Variants in DHCR24 observed in about 807,000 individuals in gnomAD.
DHCR24 encodes 24-dehydrocholesterol reductase.
DHCR24 carries 28 observed loss-of-function variants against 61.2 expected under a neutral mutation model. That is an observed-to-expected ratio of 0.46 (90% CI 0.34 to 0.63). The LOEUF is 0.63. DHCR24 is among the 20% of genes least tolerant of loss of function. DHCR24 has a pLI of 0.01. For missense variants in DHCR24, 538 were observed against 679.1 expected (o/e 0.79, Z 2.31); for synonymous variants, 261 against 275.9 (o/e 0.95, Z 0.54).
chr1:54,879,352 A>AAAAAAAAAAAAAAG, intron 2 of DHCR24, among the ~76,000 whole-genome samples: 1 of 128,158 alleles, frequency 7.8e-6, no homozygotes, highest in Admixed American at 8.4e-5. Flanking sequence ...AAAAAAAAAA[A>AAAAAAAAAAAAAAG]TCCAAATCAA....
rs188591494 is a variant in DHCR24, at chr1:54,865,877, A to G, written c.877-431T>C. Among the ~76,000 whole-genome samples the G allele has an allele frequency of 3.3e-5, 5 of 151,414 alleles. No individual in the cohort carries two copies. In the South Asian group the frequency reaches 8.5e-4, roughly 26 times the overall value. On this transcript the variant is annotated intron_variant, in intron 5 of 8. Coordinates refer to ENST00000371269, the MANE Select transcript of DHCR24 (RefSeq NM_014762.4). ...AGCCCCTCAGTGCAACCCAGGGCTC[A>G]TGGCACCAACTGGTCATGGCACTTT...
chr1:54,886,615 T>C (rs942034168), intron 1 of DHCR24: 8 of 1,464,770 alleles, frequency 5.5e-6, no homozygotes, highest in Admixed American at 2.1e-5. Context: ...GGGTGAGAGT[T>C]ACCTGAGTGC....
At position 54,854,072 on chromosome 1, in the gene DHCR24, G is replaced by C; in HGVS notation, c.1183C>G (p.Gln395Glu). 6.2e-7 allele frequency: 1 copy of C among 1,613,828 alleles called. No homozygotes were observed. The highest frequency in any genetic ancestry group is 1.7e-4 in the Middle Eastern group (1 of 6,000). The change falls in exon 7 of 9, where the codon CAG becomes GAG. Residue 395 changes from glutamine (Q) to glutamate (E), a missense_variant. By Grantham distance (29) the Gln-to-Glu change is conservative. Transcript: ENST00000371269. ...TTTTGGAAGGTGTGCAGGGCCTGCTGCAGGCACTTCATGGGCACCAGCATG... is the reference window on the plus strand; with the variant it reads ...TTTTGGAAGGTGTGCAGGGCCTGCTCCAGGCACTTCATGGGCACCAGCATG... ...QDMLVPMKCL[Q>E]QALHTFQNDI...
intron 4 of DHCR24, 73 bp downstream of exon 4, chr1:54,875,020 G>T: frequency 1.5e-6 from 2 of 1,325,702 alleles, no homozygotes; most frequent in Non-Finnish European, 2.2e-6. Flanking sequence ...ACCTAGAGGA[G>T]CCACCTCCCT....
intron 6 of DHCR24, among the ~76,000 whole-genome samples, chr1:54,859,737 C>CTAA (rs1235947789): frequency 1.3e-5 from 2 of 152,196 alleles, no homozygotes; most frequent in Non-Finnish European, 2.9e-5. Context: ...GGAAATAACA[C>CTAA]TAATATCTAC....
At chr1:54,852,510 C>T (rs569788267) in intron 8 of DHCR24, 124 bp from the exon 9 acceptor site, 34 of 1,072,510 alleles carry the variant, frequency 3.2e-5, no homozygotes, top group Admixed American at 1.3e-4. Flanking sequence ...TGTTTAACCC[C>T]GTTAACCTGG....
rs79857573 is a variant in DHCR24, at chr1:54,886,940, G to A, written c.180C>T (p.Leu60=). ...GCTCGTGCAGGCGCGGAGCGCTGCTGAGCTTGAACACCACCCAGGCGCGCA... is the reference window on the plus strand; with the variant it reads ...GCTCGTGCAGGCGCGGAGCGCTGCTAAGCTTGAACACCACCCAGGCGCGCA... ...YYVRAWVVFK[L]SSAPRLHEQR... Residue 60 remains leucine, a synonymous_variant, in exon 1 of 9, where the codon CTC becomes CTT. Coordinates refer to ENST00000371269, the MANE Select transcript of DHCR24 (RefSeq NM_014762.4). 0.017 allele frequency: 28,167 copies of A among 1,613,608 alleles called. 285 individuals carry two copies. Among genetic ancestry groups the A allele is most frequent in the Non-Finnish European group, 0.021 (24,231 of 1,179,686 alleles).
intron 6 of DHCR24, among the ~76,000 whole-genome samples, chr1:54,861,745 A>G (rs538265634): frequency 6.6e-6 from 1 of 152,270 alleles, no homozygotes; most frequent in East Asian, 1.9e-4. Flanking sequence ...GGCTGGTCTC[A>G]CTGTAAATTC....
rs1478909912 is a variant in DHCR24 at position 54,854,131 on chromosome 1, C to T, written c.1124G>A (p.Arg375His). The change falls in exon 7 of 9, where the codon CGC (arginine) becomes CAC (histidine). Residue 375 changes from arginine to histidine, a missense_variant. Physicochemically the swap from Arg to His is conservative, Grantham distance 29 (BLOSUM62 0). Transcript: ENST00000371269. ...CACGTGGTGCTGCTCGTACAGCTTG[C>T]GCAGGGTCTCACCCTGGGTCAGCTT... Reference protein sequence around the residue: ...LLKLTQGETLRKLYEQHHVVQ... With the variant: ...LLKLTQGETLHKLYEQHHVVQ... 1.9e-6 allele frequency: 3 copies of T among 1,614,064 alleles called. No homozygotes were observed. Among genetic ancestry groups the T allele is most frequent in the South Asian group, 1.1e-5 (1 of 91,080 alleles).
intron 4 of DHCR24, among the ~76,000 whole-genome samples, chr1:54,872,706 C>T (rs1647006149): frequency 6.6e-6 from 1 of 152,324 alleles, no homozygotes; most frequent in South Asian, 2.1e-4. Context: ...ACATATTTGT[C>T]AGTGAGGAAC....
At chr1:54,879,049 A>G (rs1247049814) in intron 2 of DHCR24, among the ~76,000 whole-genome samples, 2 of 152,194 alleles carry the variant, frequency 1.3e-5, no homozygotes, top group East Asian at 3.8e-4. Flanking sequence ...GCCAGGTGCA[A>G]TGCCTCACAC....
intron 8 of DHCR24, 45 bp from the exon 9 acceptor site, chr1:54,852,431 A>T: frequency 6.2e-7 from 1 of 1,611,214 alleles, no homozygotes; most frequent in Non-Finnish European, 8.5e-7. Context: ...AGGCACACGG[A>T]ACGCGAGGCG....
intron 5 of DHCR24, among the ~76,000 whole-genome samples, chr1:54,866,711 C>CA (rs1429051959): frequency 6.6e-6 from 1 of 152,190 alleles, no homozygotes; most frequent in Non-Finnish European, 1.5e-5. Flanking sequence ...CTCTGGCCTC[C>CA]AGCACTTGCA....
At position 54,871,530 on chromosome 1, in the gene DHCR24, G is replaced by A. The variant is rs1019107299; in HGVS notation, c.696C>T (p.Ile232=). Reference sequence around the variant, plus strand: ...GCAGCTTGACGTACTTCTTGGCAGGGATGATGCGGATCTCAGCGGCCACCA... The same window carrying A: ...GCAGCTTGACGTACTTCTTGGCAGGAATGATGCGGATCTCAGCGGCCACCA... ...GFLVAAEIRI[I]PAKKYVKLRF... The change falls in exon 5 of 9, where the codon ATC becomes ATT. Residue 232 remains isoleucine, a synonymous_variant. Transcript: ENST00000371269. 15 of 1,614,212 alleles carry A rather than the reference G, an allele frequency of 9.3e-6. No individual in the cohort carries two copies. The highest frequency in any genetic ancestry group is 8.5e-6 in the Non-Finnish European group (10 of 1,180,036).
At chr1:54,879,482 A>T (rs684718) in intron 2 of DHCR24, among the ~76,000 whole-genome samples, 123,406 of 151,934 alleles carry the variant, frequency 0.81, 50,362 homozygotes, top group East Asian at 0.92. Context: ...ACAGAAACCA[A>T]CCAAAATGAA....
In DHCR24 at chr1:54,860,760, C is replaced by T. The variant is rs572893015; in HGVS notation, c.1020+4543G>A. On this transcript the variant is annotated intron_variant, in intron 6 of 8. Coordinates refer to ENST00000371269, the MANE Select transcript of DHCR24 (RefSeq NM_014762.4). ...CAGCACTTTGGGAGGCCGGGGCGGG[C>T]GGATCACGAGGTCAGGAGATCGAGA... 3.9e-5 allele frequency among the ~76,000 whole-genome samples: 6 copies of T among 152,068 alleles called. No homozygotes were observed. In the East Asian group the frequency reaches 9.7e-4, roughly 25 times the overall value.
At chr1:54,853,122 C>T (rs1424259730) in intron 8 of DHCR24, among the ~76,000 whole-genome samples, 1 of 152,172 alleles carries the variant, frequency 6.6e-6, no homozygotes, top group Non-Finnish European at 1.5e-5. Context: ...GCTAAGCCCA[C>T]ACCCATCATC....
chr1:54,871,699 G>A (rs919273988), intron 4 of DHCR24, 86 bp from the exon 5 acceptor site: 2 of 1,563,618 alleles, frequency 1.3e-6, no homozygotes, highest in Non-Finnish European at 1.8e-6. Context: ...AAGCCTGGGA[G>A]AGTCCCTATT....
intron 6 of DHCR24, among the ~76,000 whole-genome samples, chr1:54,860,090 C>T (rs1646927704): frequency 6.6e-6 from 1 of 152,206 alleles, no homozygotes; most frequent in Non-Finnish European, 1.5e-5. Flanking sequence ...TCCACCCCTA[C>T]CACCGCCCAA....
Sources: allele counts gnomAD v4.1 joint callset (sites outside exome capture counted in the v4.1 genomes callset), GRCh38; gene constraint gnomAD v4.1.1; transcripts MANE v1.5; gene names NCBI Gene and HGNC (gene_info 2026-07-23, HGNC 2026-07-21).